Variants in FUOM observed in about 807,000 individuals in gnomAD.
The protein encoded by FUOM is protein fucU homolog.
A neutral mutation model predicts 18.3 loss-of-function variants in FUOM; 19 were observed. The observed-to-expected ratio is 1.04, with a 90% CI of 0.73 to 1.53. The LOEUF is 1.53. Ranked by LOEUF, FUOM falls within the 40% of genes most tolerant of loss-of-function variation. FUOM has a pLI of 0.00. For synonymous variants in FUOM, 102 were observed against 87.9 expected, an observed-to-expected ratio of 1.16 and a Z score of -0.90; for missense variants, 210 against 200.9, an observed-to-expected ratio of 1.04 and a Z score of -0.27.
chr10:133,356,194 C>T (rs1386438483), intron 4 of FUOM, among the ~76,000 whole-genome samples: 1 of 152,220 alleles, frequency 6.6e-6, no homozygotes, highest in African/African-American at 2.4e-5. Context: ...ATGGGCCTGT[C>T]CCCTTGCAGG....
downstream of FUOM, among the ~76,000 whole-genome samples, chr10:133,354,466 G>GC (rs1294948535): frequency 6.6e-6 from 1 of 151,660 alleles, no homozygotes; most frequent in Non-Finnish European, 1.5e-5. Context: ...GGGGACACCA[G>GC]CCCCAGGCCC....
chr10:133,354,984 GC>G (rs1848739721), downstream of FUOM, among the ~76,000 whole-genome samples: 1 of 151,898 alleles, frequency 6.6e-6, no homozygotes, highest in East Asian at 2.0e-4. Flanking sequence ...GGCAGCCACT[GC>G]CCCCACTCCA....
At chr10:133,353,003 G>A (rs1369610977), downstream of FUOM, among the ~76,000 whole-genome samples, 2 of 152,102 alleles carry the variant, frequency 1.3e-5, no homozygotes. Context: ...CTTGTATACC[G>A]GGATGGTGAG....
In FUOM at chr10:133,356,012, C is replaced by T. The variant is rs564889263; in HGVS notation, c.325-201G>A. Among the ~76,000 whole-genome samples the T allele has an allele frequency of 2.0e-4, 31 of 152,304 alleles. No individual in the cohort carries two copies. In the East Asian group the frequency reaches 2.9e-3, roughly 14 times the overall value. On this transcript the variant is annotated intron_variant, in intron 4 of 5. Coordinates refer to ENST00000278025, the MANE Select transcript of FUOM (RefSeq NM_001098483.3). ...ACAGGGGGTCCCAGGACATGGTGGA[C>T]GAGGAACCTGCCATGCTTGGGTCTC... is the stretch of plus-strand genomic sequence containing the variant.
At position 133,355,759 on chromosome 10, in the gene FUOM, G is replaced by C. The variant is rs1848773130; in HGVS notation, c.377C>G (p.Ala126Gly). ...RFEFYERAKK[A>G]FAVVATGETA... ...TCACCCCGTTGCCACAACAGCAAAA[G>C]CCTTCTTAGCCCGTTCATAAAACTC... is the stretch of plus-strand genomic sequence containing the variant. The change falls in exon 5 of 6, where the codon GCT (alanine) becomes GGT (glycine). Residue 126 changes from alanine to glycine, a missense_variant. Transcript: ENST00000278025. 1 of 1,613,340 alleles carries C rather than the reference G, an allele frequency of 6.2e-7. No homozygotes were observed. Among genetic ancestry groups the C allele is most frequent in the East Asian group, 2.2e-5 (1 of 44,888 alleles).
At chr10:133,357,311 C>G in intron 1 of FUOM, 56 bp from the exon 2 acceptor site, 1 of 1,508,294 alleles carries the variant, frequency 6.6e-7, no homozygotes, top group African/African-American at 1.4e-5. Context: ...TCGGGGTCGG[C>G]GCCGCCCGTC....
intron 2 of FUOM, 67 bp downstream of exon 2, chr10:133,357,120 G>T: frequency 1.3e-6 from 2 of 1,543,438 alleles, no homozygotes; most frequent in Non-Finnish European, 1.8e-6. Flanking sequence ...AGGCCACAGA[G>T]GAGCCTCAGA....
In FUOM at chr10:133,357,248, C is replaced by T. The variant is rs2133424257; in HGVS notation, c.93G>A (p.Ala31=). The change falls in exon 2 of 6, where the codon GCG becomes GCA. Residue 31 remains alanine, a synonymous_variant. Coordinates refer to ENST00000278025, the MANE Select transcript of FUOM (RefSeq NM_001098483.3). ...TGGAGGAGGCCGGGAAGTTCAAGTCCGCAAGAACTAAACAGCCGGGAGGAC... is the reference window on the plus strand; with the variant it reads ...TGGAGGAGGCCGGGAAGTTCAAGTCTGCAAGAACTAAACAGCCGGGAGGAC... ...RMGHGDEIVL[A]DLNFPASSIC... 2 of 1,578,992 alleles carry T rather than the reference C, an allele frequency of 1.3e-6. No homozygotes were observed. Among genetic ancestry groups the T allele is most frequent in the East Asian group, 2.4e-5 (1 of 42,364 alleles).
At chr10:133,354,584 C>G (rs565798534), downstream of FUOM, among the ~76,000 whole-genome samples, 3 of 152,152 alleles carry the variant, frequency 2.0e-5, no homozygotes, top group Non-Finnish European at 4.4e-5. Flanking sequence ...GGGAGCAAGA[C>G]GAGGGTCCGG....
chr10:133,357,136 G>A (rs1848831045), intron 2 of FUOM, 51 bp downstream of exon 2: 1 of 1,546,084 alleles, frequency 6.5e-7, no homozygotes, highest in Non-Finnish European at 8.7e-7. Flanking sequence ...TCAGAGCCAG[G>A]AGCACCGCTC....
At position 133,357,239 on chromosome 10, in the gene FUOM, G is replaced by A. The variant is rs537469092; in HGVS notation, c.102C>T (p.Asn34=). ...HGDEIVLADL[N]FPASSICQCG... ...ACTGGCAGATGGAGGAGGCCGGGAA[G>A]TTCAAGTCCGCAAGAACTAAACAGC... The change falls in exon 2 of 6, where the codon AAC becomes AAT. Residue 34 remains asparagine, a synonymous_variant. Transcript: ENST00000278025. 7.3e-5 allele frequency: 115 copies of A among 1,581,024 alleles called. 1 individual carries two copies. In the South Asian group the frequency reaches 1.2e-3, roughly 17 times the overall value.
rs775438419 is a variant in FUOM at position 133,357,185 on chromosome 10, A to T, written c.154+2T>A. 7 of 1,569,804 alleles carry T rather than the reference A, an allele frequency of 4.5e-6. No individual in the cohort carries two copies. In the South Asian group the frequency reaches 5.9e-5, roughly 13 times the overall value. ...GCCCTGGGGGACCTGGGGCTCGCTC[A>T]CCGTCTGCACGGATCTCCATGGGCC... On this transcript the variant is annotated splice_donor_variant, in intron 2 of 5. Transcript: ENST00000278025. LOFTEE classifies it high-confidence loss of function.
chr10:133,357,834 G>A (rs1332925854), intron 1 of FUOM, 89 bp downstream of exon 1: 1 of 1,091,410 alleles, frequency 9.2e-7, no homozygotes, highest in Non-Finnish European at 1.3e-6. Flanking sequence ...CCCAGGACGC[G>A]GCCCTTCCCG....
At position 133,357,968 on chromosome 10, in the gene FUOM, C is replaced by T. The variant is rs538156940; in HGVS notation, c.40G>A (p.Glu14Lys). 27 of 1,522,726 alleles carry T rather than the reference C, an allele frequency of 1.8e-5. No individual in the cohort carries two copies. In the South Asian group the frequency reaches 3.0e-4, roughly 17 times the overall value. 94.3% of individuals were successfully genotyped at this position (1,522,726 alleles called of 1,614,324 possible). Residue 14 changes from glutamate to lysine, a missense_variant, in exon 1 of 6, where the codon GAG (glutamate) becomes AAG (lysine). Glu to Lys is a moderately conservative substitution (Grantham distance 56). Coordinates refer to ENST00000278025, the MANE Select transcript of FUOM (RefSeq NM_001098483.3). ...LKGVPALLSP[E>K]LLYALARMGH... The stretch of plus-strand genomic sequence containing the variant: ...ATCCGCGCCAGCGCGTAGAGCAGCT[C>T]GGGGGACAGCAGTGCGGGGACACCC...
rs1276840883 is a variant in FUOM, at chr10:133,358,014, G to A, written c.-7C>T. The A allele has an allele frequency of 2.0e-6, 3 of 1,488,842 alleles. No individual in the cohort carries two copies. Among genetic ancestry groups the A allele is most frequent in the Non-Finnish European group, 1.8e-6 (2 of 1,123,350 alleles). 92.2% of individuals were successfully genotyped at this position (1,488,842 alleles called of 1,614,324 possible). ...CACCCTTCAGCGCCACCATGGCCCG[G>A]CAGACGGGGCGGGCGGGGCCTAGGG... On this transcript the variant is annotated 5_prime_UTR_variant, in exon 1 of 6. Coordinates refer to ENST00000278025, the MANE Select transcript of FUOM (RefSeq NM_001098483.3).
downstream of FUOM, among the ~76,000 whole-genome samples, chr10:133,354,407 C>A (rs1446969728): frequency 2.0e-5 from 3 of 152,174 alleles, no homozygotes; most frequent in African/African-American, 4.8e-5. Flanking sequence ...GGTTCTCCTG[C>A]GGTCTGGAGT....
Position 133,357,908 on chromosome 10 carries a change from G to T in FUOM, c.85+15C>A. The T allele has an allele frequency of 6.6e-7, 1 of 1,518,920 alleles. No homozygotes were observed. 94.1% of individuals were successfully genotyped at this position (1,518,920 alleles called of 1,614,324 possible). A position where few individuals can be genotyped will look rare whatever the true frequency, so the allele number is the denominator to read the frequency against. On this transcript the variant is annotated intron_variant, in intron 1 of 5. Transcript: ENST00000278025. ...TCCCGGGGTGCTCCCCGAGGCCCCG[G>T]CCCGCTGCGCTCACCGATCTCGTCC...
chr10:133,356,874 C>G, intron 3 of FUOM, 69 bp downstream of exon 3: 6 of 1,504,326 alleles, frequency 4.0e-6, no homozygotes, highest in Non-Finnish European at 5.4e-6. Flanking sequence ...GCAGGTGGGC[C>G]CTATGAAGCC....
In FUOM at chr10:133,355,753, G is replaced by C. The variant is rs1161711602; in HGVS notation, c.383C>G (p.Ala128Gly). ...EFYERAKKAF[A>G]VVATGETALY... is the part of the protein sequence containing the mutation. ...TGGAACTCACCCCGTTGCCACAACAGCAAAAGCCTTCTTAGCCCGTTCATA... is the reference window on the plus strand; with the variant it reads ...TGGAACTCACCCCGTTGCCACAACACCAAAAGCCTTCTTAGCCCGTTCATA... Residue 128 changes from alanine (A) to glycine (G), a missense_variant, in exon 5 of 6, where the codon GCT becomes GGT. Coordinates refer to ENST00000278025, the MANE Select transcript of FUOM (RefSeq NM_001098483.3). The C allele has an allele frequency of 4.3e-6, 7 of 1,613,206 alleles. No individual in the cohort carries two copies. The highest frequency in any genetic ancestry group is 5.9e-6 in the Non-Finnish European group (7 of 1,179,980).
Sources: gnomAD v4.1 joint callset for allele counts (sites outside exome capture counted in the v4.1 genomes callset) on GRCh38, gnomAD v4.1.1 for gene constraint, MANE v1.5 for transcripts, NCBI Gene and HGNC (gene_info 2026-07-23, HGNC 2026-07-21) for gene names.